ADK: variants seen among roughly 807,000 people sequenced by gnomAD.
ADK encodes the protein adenosine kinase, also known as N6,N6-dimethyladenosine kinase.
Under a neutral mutation model 44.7 loss-of-function variants are expected in ADK, and 24 were observed. The ratio of observed to expected loss-of-function variants is 0.54; its 90% CI spans 0.39 to 0.76. The LOEUF (loss-of-function observed/expected upper bound fraction) is 0.76, where lower values mean the gene tolerates loss of function less well. Among genes scored for constraint, ADK ranks in the 30% least tolerant of loss-of-function variants. The pLI is 0.00. For synonymous variants in ADK, 128 were observed against 142.6 expected (o/e 0.90, Z 0.73); for missense variants, 321 against 425.1 (o/e 0.76, Z 2.15).
Position 74,319,837 on chromosome 10 carries a change from A to C in ADK, c.273+5092A>C, listed in dbSNP as rs187047883. Among the ~76,000 whole-genome samples, 325 of 152,338 alleles carry C rather than the reference A, an allele frequency of 2.1e-3. 1 individual carries two copies. Among genetic ancestry groups the C allele is most frequent in the Admixed American group, 5.9e-3 (90 of 15,304 alleles). ...ATTTGAATAATACCAATGTAGTTTC[A>C]ATAATATACAAACACTCTGCTCCTT... On this transcript the variant is annotated intron_variant, in intron 4 of 10. Transcript: ENST00000539909.
At chr10:74,604,466 A>G (rs1852248649) in intron 9 of ADK, among the ~76,000 whole-genome samples, 1 of 152,170 alleles carries the variant, frequency 6.6e-6, no homozygotes, top group Non-Finnish European at 1.5e-5. Context: ...AGTTTTCTCT[A>G]TATGGCTAGT....
chr10:74,336,991 G>A (rs1841431071), intron 4 of ADK, among the ~76,000 whole-genome samples: 1 of 152,128 alleles, frequency 6.6e-6, no homozygotes, highest in East Asian at 1.9e-4. Flanking sequence ...CATGGATATG[G>A]TGGGCCTATA....
At chr10:74,219,826 A>G (rs1368807980) in intron 2 of ADK, among the ~76,000 whole-genome samples, 3 of 151,790 alleles carry the variant, frequency 2.0e-5, no homozygotes, top group Non-Finnish European at 4.4e-5. Context: ...ACCAACGAGA[A>G]CAAAGACACA....
At chr10:74,617,062 A>C (rs1852792426) in intron 9 of ADK, among the ~76,000 whole-genome samples, 1 of 152,208 alleles carries the variant, frequency 6.6e-6, no homozygotes, top group Non-Finnish European at 1.5e-5. Flanking sequence ...TAACTGCAAT[A>C]ACATATCAGA....
chr10:74,267,918 A>G (rs945874181), intron 3 of ADK, among the ~76,000 whole-genome samples: 2 of 152,082 alleles, frequency 1.3e-5, no homozygotes, highest in African/African-American at 4.8e-5. Flanking sequence ...CTGGAAATTT[A>G]TGGATTAAGA....
At chr10:74,370,999 A>G (rs1842640187) in intron 4 of ADK, among the ~76,000 whole-genome samples, 2 of 152,214 alleles carry the variant, frequency 1.3e-5, no homozygotes, top group Admixed American at 1.3e-4. Flanking sequence ...ATCTGTACTG[A>G]TCATCTCCTG....
At chr10:74,578,584 G>A (rs1410129952) in intron 7 of ADK, among the ~76,000 whole-genome samples, 1 of 152,088 alleles carries the variant, frequency 6.6e-6, no homozygotes, top group Non-Finnish European at 1.5e-5. Flanking sequence ...TATAAAAACA[G>A]GTGGCAGGAT....
intron 7 of ADK, chr10:74,527,626 G>T (rs1165679896): frequency 1.3e-6 from 1 of 795,784 alleles, no homozygotes; most frequent in African/African-American, 1.7e-5. Context: ...AGCAGCTTCA[G>T]GAATCTTATG....
chr10:74,424,752 C>G (rs1844730722), intron 6 of ADK, among the ~76,000 whole-genome samples: 1 of 151,966 alleles, frequency 6.6e-6, no homozygotes, highest in Admixed American at 6.6e-5. Context: ...TTCTTCAGAT[C>G]TATCTTCCGA....
intron 6 of ADK, among the ~76,000 whole-genome samples, chr10:74,444,515 A>T (rs546335716): frequency 3.9e-5 from 6 of 152,186 alleles, no homozygotes; most frequent in Admixed American, 1.3e-4. Context: ...CTACTTCTCT[A>T]GAGTATTTCG....
chr10:74,451,067 C>CTTTTTTTTTTTTTTTTTT (rs35120068), intron 6 of ADK, among the ~76,000 whole-genome samples: 31 of 72,178 alleles, frequency 4.3e-4, no homozygotes, highest in Middle Eastern at 0.014. Context: ...GCTCTGCTGC[C>CTTTTTTTTTTTTTTTTTT]TTTTTTTTTT....
chr10:74,463,212 G>T (rs1031964949), intron 6 of ADK, among the ~76,000 whole-genome samples: 6 of 152,140 alleles, frequency 3.9e-5, no homozygotes, highest in Non-Finnish European at 8.8e-5. Flanking sequence ...AGGGCAGGGT[G>T]GGGGAGGGGT....
At chr10:74,172,644 G>A (rs1417195801) in intron 1 of ADK, among the ~76,000 whole-genome samples, 3 of 146,148 alleles carry the variant, frequency 2.1e-5, no homozygotes, top group Admixed American at 7.0e-5. Flanking sequence ...AGCCGAGATC[G>A]CGCCATTGCA....
intron 6 of ADK, among the ~76,000 whole-genome samples, chr10:74,505,285 G>A (rs1334925236): frequency 6.6e-6 from 1 of 152,092 alleles, no homozygotes; most frequent in Non-Finnish European, 1.5e-5. Context: ...GGTCCATGTT[G>A]TAAAAGAAGT....
At chr10:74,153,701 G>T (rs947971994) in intron 1 of ADK, among the ~76,000 whole-genome samples, 1 of 152,190 alleles carries the variant, frequency 6.6e-6, no homozygotes, top group African/African-American at 2.4e-5. Flanking sequence ...TGTGATGAAA[G>T]AAGTGGAGAA....
chr10:74,497,454 A>G (rs1236354304), intron 6 of ADK, among the ~76,000 whole-genome samples: 1 of 152,162 alleles, frequency 6.6e-6, no homozygotes, highest in Non-Finnish European at 1.5e-5. Context: ...TTAACTTTAT[A>G]TACCATCTTT....
intron 4 of ADK, among the ~76,000 whole-genome samples, chr10:74,370,070 A>G (rs1254279433): frequency 6.6e-6 from 1 of 152,198 alleles, no homozygotes; most frequent in Non-Finnish European, 1.5e-5. Flanking sequence ...AAATCTGACA[A>G]AAGATCTGGA....
intron 6 of ADK, among the ~76,000 whole-genome samples, chr10:74,487,869 G>A (rs1847321132): frequency 6.6e-6 from 1 of 151,948 alleles, no homozygotes; most frequent in Admixed American, 6.6e-5. Flanking sequence ...GCATTATTTG[G>A]CTTATCTAAA....
chr10:74,420,699 A>T (rs568554160), intron 6 of ADK, among the ~76,000 whole-genome samples: 1 of 152,250 alleles, frequency 6.6e-6, no homozygotes, highest in East Asian at 1.9e-4. Context: ...AAAGTTAATT[A>T]AAGAATTTAG....
Sources: gnomAD v4.1 joint callset for allele counts (sites outside exome capture counted in the v4.1 genomes callset) on GRCh38, gnomAD v4.1.1 for gene constraint, MANE v1.5 for transcripts, NCBI Gene and HGNC (gene_info 2026-07-23, HGNC 2026-07-21) for gene names.